UMAD1: variants seen among roughly 807,000 people sequenced by gnomAD.
UMAD1 encodes the protein UBAP1-MVB12-associated (UMA)-domain containing protein 1.
A neutral mutation model predicts 6.1 loss-of-function variants in UMAD1; 8 were observed. That is an observed-to-expected ratio of 1.30 (90% CI 0.76 to 2.35). The LOEUF is 2.35. UMAD1 is among the 30% of genes most tolerant of loss of function. UMAD1 has a pLI of 0.00. For missense variants in UMAD1, 130 were observed against 78.4 expected (o/e 1.66, Z -2.49); for synonymous variants, 56 against 31.4 (o/e 1.78, Z -2.61).
At chr7:7,848,565 A>T (rs376277550) in intron 3 of UMAD1, among the ~76,000 whole-genome samples, 15 of 152,304 alleles carry the variant, frequency 9.8e-5, no homozygotes, top group African/African-American at 3.6e-4. Context: ...GGATATGCCA[A>T]ATCAAGCTTA....
At chr7:7,757,699 A>G (rs1781804049) in intron 2 of UMAD1, among the ~76,000 whole-genome samples, 1 of 152,176 alleles carries the variant, frequency 6.6e-6, no homozygotes, top group Admixed American at 6.5e-5. Flanking sequence ...GGACTTGACA[A>G]TTTCTTTAGC....
At chr7:7,777,574 A>AATT (rs1782239018) in intron 2 of UMAD1, among the ~76,000 whole-genome samples, 1 of 113,558 alleles carries the variant, frequency 8.8e-6, no homozygotes, top group African/African-American at 3.9e-5. Context: ...TACATGAGCA[A>AATT]ATATATATAT....
intron 2 of UMAD1, among the ~76,000 whole-genome samples, chr7:7,739,804 G>A (rs1781427633): frequency 6.6e-6 from 1 of 152,204 alleles, no homozygotes; most frequent in Non-Finnish European, 1.5e-5. Flanking sequence ...ATGAAGAGTA[G>A]AAGAAATGGC....
chr7:7,738,533 A>G (rs1450238698), intron 2 of UMAD1: 1 of 152,236 alleles, frequency 6.6e-6, no homozygotes, highest in East Asian at 1.9e-4. Context: ...CCACTAAGCA[A>G]TGAATATAAA....
At chr7:7,702,433 C>A (rs971227018) in intron 2 of UMAD1, among the ~76,000 whole-genome samples, 13 of 151,994 alleles carry the variant, frequency 8.6e-5, no homozygotes, top group Non-Finnish European at 1.5e-4. Flanking sequence ...GACTATAATA[C>A]GAAAATTCTG....
At chr7:7,673,994 C>G (rs899631462) in intron 2 of UMAD1, among the ~76,000 whole-genome samples, 17 of 152,116 alleles carry the variant, frequency 1.1e-4, no homozygotes, top group Admixed American at 6.6e-5. Flanking sequence ...TGTTCTTCAC[C>G]AGGGGAGTTC....
In UMAD1 at chr7:7,701,144, A is replaced by G. The variant is rs192377525; in HGVS notation, c.82+27691A>G. ...CAGTTGTGTATTAGACATTTAATAA[A>G]CATGTTCTGTATTCTTGTAGAGGAA... On this transcript the variant is annotated intron_variant, in intron 2 of 3. Transcript: ENST00000682710. Among the ~76,000 whole-genome samples, 59 of 152,280 alleles carry G rather than the reference A, an allele frequency of 3.9e-4. No homozygotes were observed. In the East Asian group the frequency reaches 9.1e-3, roughly 23 times the overall value.
At chr7:7,666,893 C>T (rs1416064984) in intron 1 of UMAD1, among the ~76,000 whole-genome samples, 4 of 152,128 alleles carry the variant, frequency 2.6e-5, no homozygotes, top group African/African-American at 9.7e-5. Context: ...GCAACCTCCG[C>T]CTCCCAAGTT....
chr7:7,787,561 T>A (rs1782483840), intron 2 of UMAD1, among the ~76,000 whole-genome samples: 1 of 152,232 alleles, frequency 6.6e-6, no homozygotes, highest in Admixed American at 6.5e-5. Context: ...CCAACTTTTA[T>A]ATTTCATGTT....
chr7:7,787,209 G>A (rs144740664), intron 2 of UMAD1, among the ~76,000 whole-genome samples: 226 of 152,162 alleles, frequency 1.5e-3, no homozygotes, highest in African/African-American at 4.8e-3. Flanking sequence ...CAGTACTGTG[G>A]AATTTGTTGG....
chr7:7,776,270 G>C (rs1404447320), intron 2 of UMAD1, among the ~76,000 whole-genome samples: 2 of 152,162 alleles, frequency 1.3e-5, no homozygotes, highest in African/African-American at 4.8e-5. Flanking sequence ...AAAGCAGCTT[G>C]GGCAACATGG....
At chr7:7,824,021 G>T (rs1445070456) in intron 3 of UMAD1, among the ~76,000 whole-genome samples, 2 of 152,090 alleles carry the variant, frequency 1.3e-5, no homozygotes, top group Non-Finnish European at 2.9e-5. Context: ...AGGGCAAGTG[G>T]ATAAAAAGTG....
chr7:7,823,962 T>C (rs1050425758), intron 3 of UMAD1, among the ~76,000 whole-genome samples: 3 of 152,008 alleles, frequency 2.0e-5, no homozygotes, highest in Non-Finnish European at 4.4e-5. Context: ...TTTGAAAGAG[T>C]GAATTCATAG....
At chr7:7,854,468 G>A (rs979491108) in intron 3 of UMAD1, among the ~76,000 whole-genome samples, 1 of 151,976 alleles carries the variant, frequency 6.6e-6, no homozygotes, top group African/African-American at 2.4e-5. Context: ...TCTTTATGAG[G>A]CAGCAGAAGA....
At chr7:7,788,788 G>A (rs796940523) in intron 2 of UMAD1, among the ~76,000 whole-genome samples, 8 of 152,232 alleles carry the variant, frequency 5.3e-5, no homozygotes, top group African/African-American at 1.9e-4. Context: ...TTCATTTTCA[G>A]CAACCTCTTC....
At chr7:7,791,883 G>T (rs1482289350) in intron 2 of UMAD1, among the ~76,000 whole-genome samples, 1 of 152,200 alleles carries the variant, frequency 6.6e-6, no homozygotes, top group East Asian at 1.9e-4. Context: ...GTGCCTAAAA[G>T]TTGTATAGAA....
intron 1 of UMAD1, among the ~76,000 whole-genome samples, chr7:7,662,090 G>T (rs533678463): frequency 1.3e-5 from 2 of 152,128 alleles, no homozygotes; most frequent in Middle Eastern, 3.2e-3. Flanking sequence ...GATCTTTCCC[G>T]GCATCTTTGT....
At position 7,791,722 on chromosome 7, in the gene UMAD1, C is replaced by T. The variant is rs192180792; in HGVS notation, c.83-9948C>T. 3.9e-5 allele frequency among the ~76,000 whole-genome samples: 6 copies of T among 152,246 alleles called. No individual in the cohort carries two copies. In the South Asian group the frequency reaches 6.2e-4, roughly 16 times the overall value. On this transcript the variant is annotated intron_variant, in intron 2 of 3. Coordinates refer to ENST00000682710, the MANE Select transcript of UMAD1 (RefSeq NM_001302348.2). ...TTAAGAGCAGACCGGTAGGACTGAC[C>T]GGTGGATATGACCTCATTTAGATTT...
intron 2 of UMAD1, among the ~76,000 whole-genome samples, chr7:7,779,483 C>T (rs1298366633): frequency 6.6e-6 from 1 of 152,050 alleles, no homozygotes; most frequent in Non-Finnish European, 1.5e-5. Flanking sequence ...GTTCCCCAGT[C>T]TGGTCTCGAA....
Sources: allele counts gnomAD v4.1 joint callset (sites outside exome capture counted in the v4.1 genomes callset), GRCh38; gene constraint gnomAD v4.1.1; transcripts MANE v1.5; gene names NCBI Gene and HGNC (gene_info 2026-07-23, HGNC 2026-07-21).